The following ZNF536 variants were observed in gnomAD, a reference collection of about 807,000 sequenced individuals.
ZNF536 encodes zinc finger protein 536.
In ZNF536, 13 loss-of-function variants were observed where a neutral mutation model predicts 84.5. The ratio of observed to expected loss-of-function variants is 0.15; its 90% confidence interval spans 0.10 to 0.24. The LOEUF (loss-of-function observed/expected upper bound fraction) is 0.24. ZNF536 is among the 10% of genes least tolerant of loss of function. ZNF536 has a pLI of 1.00. For missense variants in ZNF536, 1,536 were observed against 1,747.5 expected, an observed-to-expected ratio of 0.88 and a Z score of 2.16; for synonymous variants, 811 against 742.5, an observed-to-expected ratio of 1.09 and a Z score of -1.50.
intron 1 of ZNF536, among the ~76,000 whole-genome samples, chr19:30,426,458 A>G (rs1039335993): frequency 1.3e-5 from 2 of 152,026 alleles, no homozygotes; most frequent in Non-Finnish European, 2.9e-5. Context: ...TCCTTATTCC[A>G]TCTTTGTTCT....
At chr19:30,567,856 G>T (rs748113044) in intron 1 of ZNF536, among the ~76,000 whole-genome samples, 1 of 152,148 alleles carries the variant, frequency 6.6e-6, no homozygotes, top group Admixed American at 6.5e-5. Flanking sequence ...GGTCTCCCTC[G>T]GTGGGTGGGA....
At chr19:30,437,024 T>A (rs2051781237) in intron 1 of ZNF536, among the ~76,000 whole-genome samples, 1 of 152,250 alleles carries the variant, frequency 6.6e-6, no homozygotes, top group African/African-American at 2.4e-5. Context: ...CTTGATTTTT[T>A]AAAATCCAGT....
intron 1 of ZNF536, among the ~76,000 whole-genome samples, chr19:30,590,579 C>T (rs984537391): frequency 6.6e-6 from 1 of 152,200 alleles, no homozygotes; most frequent in Non-Finnish European, 1.5e-5. Flanking sequence ...TCTGTGTGTG[C>T]TATGAGCTTG....
intron 2 of ZNF536, among the ~76,000 whole-genome samples, chr19:30,469,180 C>T (rs184616068): frequency 2.6e-5 from 4 of 152,210 alleles, no homozygotes; most frequent in Admixed American, 1.3e-4. Context: ...TTTGGGAGGC[C>T]GAGGCAGGTG....
chr19:30,604,819 A>G (rs184394620), intron 1 of ZNF536, among the ~76,000 whole-genome samples: 60 of 152,324 alleles, frequency 3.9e-4, no homozygotes, highest in African/African-American at 1.4e-3. Context: ...GAGGTTGCAC[A>G]GCAAGCTCGG....
chr19:30,281,277 C>T (rs146394580), intron 1 of ZNF536, among the ~76,000 whole-genome samples: 133 of 152,344 alleles, frequency 8.7e-4, no homozygotes, highest in African/African-American at 3.1e-3. Context: ...CCAGGGTCCA[C>T]CCAGGAAATG....
At chr19:30,435,602 T>A (rs2051710624) in intron 1 of ZNF536, among the ~76,000 whole-genome samples, 1 of 152,064 alleles carries the variant, frequency 6.6e-6, no homozygotes, top group Non-Finnish European at 1.5e-5. Flanking sequence ...ATGGTGATGA[T>A]GGTGATGCTC....
At chr19:30,607,259 A>G (rs1373459948) in intron 1 of ZNF536, among the ~76,000 whole-genome samples, 1 of 152,158 alleles carries the variant, frequency 6.6e-6, no homozygotes, top group Non-Finnish European at 1.5e-5. Flanking sequence ...TTAAAAATTC[A>G]TGTGAAACTT....
intron 1 of ZNF536, among the ~76,000 whole-genome samples, chr19:30,594,308 G>C (rs2047373865): frequency 6.6e-6 from 1 of 152,204 alleles, no homozygotes; most frequent in Non-Finnish European, 1.5e-5. Flanking sequence ...CTTTCTGAGG[G>C]CATGTGCAGA....
At chr19:30,598,167 G>T (rs1170256908) in intron 1 of ZNF536, among the ~76,000 whole-genome samples, 1 of 152,132 alleles carries the variant, frequency 6.6e-6, no homozygotes, top group Non-Finnish European at 1.5e-5. Context: ...GTGTCCTCCT[G>T]GTCTTGCTTC....
intron 2 of ZNF536, among the ~76,000 whole-genome samples, chr19:30,500,617 G>A (rs1010305262): frequency 6.6e-6 from 1 of 150,916 alleles, no homozygotes; most frequent in African/African-American, 2.5e-5. Context: ...CATGCTGTGG[G>A]ATGAATGTGG....
Position 30,674,494 on chromosome 19 carries a change from G to C in ZNF536, c.170-36263G>C, listed in dbSNP as rs553803796. 1.4e-4 allele frequency among the ~76,000 whole-genome samples: 21 copies of C among 152,338 alleles called. 1 individual carries two copies. In the South Asian group the frequency reaches 2.7e-3, roughly 20 times the overall value. On this transcript the variant is annotated intron_variant, in intron 1 of 1. Transcript: ENST00000592773. ...GAAATCAGGGCATCCAGGTTTACTTGACATGTGACTGATGGAGTATTGGGA... is the reference window on the plus strand; with the variant it reads ...GAAATCAGGGCATCCAGGTTTACTTCACATGTGACTGATGGAGTATTGGGA...
At position 30,375,868 on chromosome 19, in the gene ZNF536, C is replaced by T. The variant is rs540972224; in HGVS notation, c.-3+3312C>T. 1.0e-4 allele frequency among the ~76,000 whole-genome samples: 15 copies of T among 150,548 alleles called. No homozygotes were observed. In the South Asian group the frequency reaches 3.2e-3, roughly 32 times the overall value. Reference sequence around the variant, plus strand: ...ACTTGTATGCGTGTGTGTGTGTAGGCGCGTGTGTGTGCGTGTGTGTGTTAG... The same window carrying T: ...ACTTGTATGCGTGTGTGTGTGTAGGTGCGTGTGTGTGCGTGTGTGTGTTAG... On this transcript the variant is annotated intron_variant, in intron 1 of 4. Coordinates refer to ENST00000355537, the MANE Select transcript of ZNF536 (RefSeq NM_014717.3).
intron 2 of ZNF536, among the ~76,000 whole-genome samples, chr19:30,490,765 A>G (rs1455246803): frequency 1.3e-5 from 2 of 152,230 alleles, no homozygotes; most frequent in Non-Finnish European, 2.9e-5. Flanking sequence ...GGGATTGCCC[A>G]CGAAAGAGTT....
intron 1 of ZNF536, among the ~76,000 whole-genome samples, chr19:30,434,911 TGCTG>T (rs1233501229): frequency 4.6e-4 from 5 of 10,784 alleles, no homozygotes; most frequent in African/African-American, 1.5e-3. Context: ...ATGGTGATGA[TGCTG>T]ATGCTGATGC....
chr19:30,679,645 A>C (rs181165802), intron 1 of ZNF536, among the ~76,000 whole-genome samples: 7 of 152,286 alleles, frequency 4.6e-5, no homozygotes, highest in Non-Finnish European at 5.9e-5. Context: ...CTGTGGCTGC[A>C]GGACAACCCA....
intron 1 of ZNF536, among the ~76,000 whole-genome samples, chr19:30,571,061 G>A (rs1351798878): frequency 6.6e-6 from 1 of 152,190 alleles, no homozygotes. Context: ...ATCGACACAG[G>A]CAGGCTTGTT....
intron 1 of ZNF536, among the ~76,000 whole-genome samples, chr19:30,402,734 C>T (rs1568394797): frequency 6.9e-6 from 1 of 145,248 alleles, no homozygotes; most frequent in East Asian, 2.0e-4. Flanking sequence ...CTTCATAAGC[C>T]CAGTGACTTA....
chr19:30,252,225 C>A (rs1440291090), intron 1 of ZNF536, among the ~76,000 whole-genome samples: 4 of 152,176 alleles, frequency 2.6e-5, no homozygotes, highest in Non-Finnish European at 5.9e-5. Flanking sequence ...TAGGGAAATG[C>A]AAATCAAAAC....
Sources: gnomAD v4.1 joint callset for allele counts (sites outside exome capture counted in the v4.1 genomes callset) on GRCh38, gnomAD v4.1.1 for gene constraint, MANE v1.5 for transcripts, NCBI Gene and HGNC (gene_info 2026-07-23, HGNC 2026-07-21) for gene names.